Variants in SP100 observed in about 807,000 individuals in gnomAD.
SP100 encodes the protein nuclear autoantigen Sp-100.
Under a neutral mutation model 130.0 loss-of-function variants are expected in SP100, and 84 were observed. The observed-to-expected ratio is 0.65, with a 90% CI of 0.54 to 0.77. The LOEUF is 0.77. Among genes scored for constraint, SP100 ranks in the 30% least tolerant of loss-of-function variants. The probability of loss-of-function intolerance (pLI) is 0.00; values close to 1 mark genes in which losing one functional copy is unlikely to be tolerated. For missense variants in SP100, 978 were observed against 1,052.2 expected (o/e 0.93, Z 0.97); for synonymous variants, 331 against 351.7 (o/e 0.94, Z 0.66).
rs538849945 is a variant in SP100, at chr2:230,460,913, G to A, written c.821-349G>A. 2.8e-4 allele frequency among the ~76,000 whole-genome samples: 6 copies of A among 21,118 alleles called. 3 individuals carry two copies. The highest frequency in any genetic ancestry group is 9.3e-4 in the African/African-American group (2 of 2,158). 13.9% of individuals were successfully genotyped at this position (21,118 alleles called of 152,430 possible). ...GCTGGGATTACAGGCGTGAGCCACCGCGCCCGGCCGGTAATCTGTTTCTTG... is the reference window on the plus strand; with the variant it reads ...GCTGGGATTACAGGCGTGAGCCACCACGCCCGGCCGGTAATCTGTTTCTTG... On this transcript the variant is annotated intron_variant, in intron 8 of 28. Transcript: ENST00000340126.
At chr2:230,469,790 A>AG in intron 14 of SP100, 1 of 860,298 alleles carries the variant, frequency 1.2e-6, no homozygotes, top group Admixed American at 3.3e-5. Context: ...TAAAAAAAAA[A>AG]AAGAAGAAGA....
At chr2:230,495,196 T>C (rs1002374039) in intron 18 of SP100, among the ~76,000 whole-genome samples, 2 of 152,192 alleles carry the variant, frequency 1.3e-5, no homozygotes, top group African/African-American at 4.8e-5. Context: ...TAGAAAGGTG[T>C]GTTGTAACTA....
intron 23 of SP100, 41 bp downstream of exon 23, chr2:230,508,072 T>G: frequency 6.2e-7 from 1 of 1,609,660 alleles, no homozygotes; most frequent in Non-Finnish European, 8.5e-7. Flanking sequence ...TCGTCTATTA[T>G]GTTGTTGATT....
At chr2:230,454,036 T>A (rs1198197546) in intron 8 of SP100, among the ~76,000 whole-genome samples, 1 of 152,168 alleles carries the variant, frequency 6.6e-6, no homozygotes, top group Non-Finnish European at 1.5e-5. Flanking sequence ...TGTGTGTGTT[T>A]AGGAATTTAT....
At chr2:230,497,712 A>G (rs2066775698) in intron 18 of SP100, among the ~76,000 whole-genome samples, 1 of 152,168 alleles carries the variant, frequency 6.6e-6, no homozygotes, top group Admixed American at 6.5e-5. Context: ...CTAACAGCAT[A>G]TTCCTGAAAT....
At chr2:230,532,637 T>C (rs990083106) in intron 24 of SP100, among the ~76,000 whole-genome samples, 2 of 152,164 alleles carry the variant, frequency 1.3e-5, no homozygotes, top group African/African-American at 4.8e-5. Flanking sequence ...TCCACAAGTG[T>C]TTCACTGGTT....
In SP100 at chr2:230,470,140, C is replaced by A; in HGVS notation, c.1429+42C>A. 1.9e-6 allele frequency: 3 copies of A among 1,573,020 alleles called. No individual in the cohort carries two copies. The South Asian group carries it at 3.5e-5, about 18-fold the overall frequency. On this transcript the variant is annotated intron_variant, in intron 15 of 28. Transcript: ENST00000340126. The stretch of plus-strand genomic sequence containing the variant: ...TGCCAAGACTTGGCCTGCAGAATGT[C>A]AGGAATGTGAATTAAAAGCTGCTGT...
In SP100 at chr2:230,465,912, C is replaced by T. The variant is rs181406559; in HGVS notation, c.1142-389C>T. Among the ~76,000 whole-genome samples, 57 of 152,036 alleles carry T rather than the reference C, an allele frequency of 3.7e-4. No homozygotes were observed. The East Asian group carries it at 9.6e-3, about 26-fold the overall frequency. On this transcript the variant is annotated intron_variant, in intron 11 of 28. Coordinates refer to ENST00000340126, the MANE Select transcript of SP100 (RefSeq NM_001080391.2). ...TCAAAACTTTGTTATTGGCAGGGCA[C>T]GATGGCTCAGGTCTGTAATCCCAGC...
chr2:230,506,782 TACACACACACACACAC>T lies in SP100; in HGVS notation c.2013+365_2013+380del, dbSNP rs57619257. On this transcript the variant is annotated intron_variant, in intron 22 of 28. Transcript: ENST00000340126. ...ATTTTCGGGGGAGGTAAATGTTAAA[TACACACACACACACAC>T]ACACACACACACACACACACACACA... 27 of 181,536 alleles carry T rather than the reference TACACACACACACACAC, an allele frequency of 1.5e-4. No homozygotes were observed. In the East Asian group the frequency reaches 1.6e-3, roughly 11 times the overall value. 11.2% of individuals were successfully genotyped at this position (181,536 alleles called of 1,614,324 possible).
intron 5 of SP100, among the ~76,000 whole-genome samples, chr2:230,447,248 G>C (rs1438716306): frequency 2.0e-5 from 3 of 152,162 alleles, no homozygotes; most frequent in Non-Finnish European, 4.4e-5. Flanking sequence ...CATCAAAGAG[G>C]AGACCCCTGG....
chr2:230,445,374 A>T (rs2063662134), intron 4 of SP100, among the ~76,000 whole-genome samples: 1 of 152,246 alleles, frequency 6.6e-6, no homozygotes, highest in Non-Finnish European at 1.5e-5. Context: ...ACATGTCTGC[A>T]AAACAGGGCA....
intron 8 of SP100, among the ~76,000 whole-genome samples, chr2:230,459,365 C>G (rs1201578621): frequency 6.6e-6 from 1 of 152,062 alleles, no homozygotes; most frequent in African/African-American, 2.4e-5. Context: ...ATCAGCTGCC[C>G]TCTTATCAAA....
intron 24 of SP100, 68 bp from the exon 25 acceptor site, chr2:230,539,199 A>T (rs924617694): frequency 5.4e-6 from 5 of 922,352 alleles, no homozygotes; most frequent in Admixed American, 5.3e-5. Context: ...TTGATACATA[A>T]AAAGGTCACA....
chr2:230,496,637 T>C (rs1044615722), intron 18 of SP100, among the ~76,000 whole-genome samples: 21 of 152,204 alleles, frequency 1.4e-4, no homozygotes, highest in African/African-American at 5.1e-4. Flanking sequence ...ATATGGTGGA[T>C]GCATGAGCCA....
intron 17 of SP100, among the ~76,000 whole-genome samples, chr2:230,479,796 G>T (rs1349134771): frequency 6.6e-6 from 1 of 152,238 alleles, no homozygotes; most frequent in African/African-American, 2.4e-5. Context: ...CGTTGGAGAT[G>T]AAGTCACCAT....
intron 18 of SP100, among the ~76,000 whole-genome samples, chr2:230,497,204 C>T (rs879713996): frequency 1.3e-5 from 2 of 152,026 alleles, no homozygotes; most frequent in Non-Finnish European, 2.9e-5. Flanking sequence ...AAGTAGAGCT[C>T]GAGTAAACGG....
rs1245193903 is a variant in SP100 at position 230,544,519 on chromosome 2, C to T, written c.*1573C>T. 6.6e-6 allele frequency among the ~76,000 whole-genome samples: 1 copy of T among 151,910 alleles called. No homozygotes were observed. The highest frequency in any genetic ancestry group is 1.5e-5 in the Non-Finnish European group (1 of 67,992). ...TTTTTTTTTTTAAGATGGAGTTTCA[C>T]TCTTGTTGCCCAGGCCAGAGTGCAA... is the stretch of plus-strand genomic sequence containing the variant. On this transcript the variant is annotated 3_prime_UTR_variant, in exon 29 of 29. Transcript: ENST00000340126.
In SP100 at chr2:230,494,464, A is replaced by G. The variant is rs778340093; in HGVS notation, c.1645+4A>G. ...AAAGTAAATGGTCTCCAAAGAGGTAAGAAGAAATGTGGGGATTTACTCCTT... is the reference window on the plus strand; with the variant it reads ...AAAGTAAATGGTCTCCAAAGAGGTAGGAAGAAATGTGGGGATTTACTCCTT... On this transcript the variant is annotated splice_donor_region_variant and intron_variant, in intron 18 of 28. Transcript: ENST00000340126. The G allele has an allele frequency of 6.2e-7, 1 of 1,604,742 alleles. No individual in the cohort carries two copies. The highest frequency in any genetic ancestry group is 8.5e-7 in the Non-Finnish European group (1 of 1,171,526).
chr2:230,533,999 A>G (rs1181283827), intron 24 of SP100, among the ~76,000 whole-genome samples: 1 of 152,208 alleles, frequency 6.6e-6, no homozygotes, highest in East Asian at 1.9e-4. Context: ...AAATATTTTT[A>G]TTTACCTTTT....
Sources: gnomAD v4.1 joint callset for allele counts (sites outside exome capture counted in the v4.1 genomes callset) on GRCh38, gnomAD v4.1.1 for gene constraint, MANE v1.5 for transcripts, NCBI Gene and HGNC (gene_info 2026-07-23, HGNC 2026-07-21) for gene names.